Variants in FRY observed in about 807,000 individuals in gnomAD.
FRY encodes the protein protein furry homolog.
Under a neutral mutation model 348.4 loss-of-function variants are expected in FRY, and 128 were observed. That is an observed-to-expected ratio of 0.37 (90% CI 0.32 to 0.43). The LOEUF (loss-of-function observed/expected upper bound fraction) is 0.43, where lower values mean the gene tolerates loss of function less well. Among genes scored for constraint, FRY ranks in the 20% least tolerant of loss-of-function variants. FRY has a pLI of 1.00. For missense variants in FRY, 2,736 were observed against 3,695.2 expected, an observed-to-expected ratio of 0.74 and a Z score of 6.73; for synonymous variants, 1,370 against 1,374.7, an observed-to-expected ratio of 1.00 and a Z score of 0.08.
Position 32,297,336 on chromosome 13 carries a change from A to G in FRY, c.*1876A>G, listed in dbSNP as rs890817067. 6.6e-6 allele frequency: 1 copy of G among 152,140 alleles called. No individual in the cohort carries two copies. Among genetic ancestry groups the G allele is most frequent in the African/African-American group, 2.4e-5 (1 of 41,444 alleles). The allele number at this position is 152,140 out of a possible 1,614,324, so 9.4% of individuals were successfully genotyped here. ...AAACAACTGAATCATGATCTCTCTGAAAAATATCATAAAATAAAGGTTTCT... is the reference window on the plus strand; with the variant it reads ...AAACAACTGAATCATGATCTCTCTGGAAAATATCATAAAATAAAGGTTTCT... On this transcript the variant is annotated 3_prime_UTR_variant, in exon 61 of 61. Transcript: ENST00000542859.
At chr13:32,048,278 G>A (rs1247715845) in intron 1 of FRY, among the ~76,000 whole-genome samples, 2 of 152,040 alleles carry the variant, frequency 1.3e-5, no homozygotes, top group Admixed American at 6.5e-5. Context: ...TTGTCTTTTG[G>A]GATCTTTCTA....
In FRY at chr13:32,140,740, C is replaced by T. The variant is rs540234256; in HGVS notation, c.1179+3768C>T. ...AAAATCTCAAAACAAGTGTGGTTGC[C>T]ATAAATATATTTGATGAAGCTTGTG... On this transcript the variant is annotated intron_variant, in intron 11 of 60. Coordinates refer to ENST00000542859, the MANE Select transcript of FRY (RefSeq NM_023037.3). 9.9e-4 allele frequency among the ~76,000 whole-genome samples: 151 copies of T among 152,198 alleles called. 1 individual carries two copies. Among genetic ancestry groups the T allele is most frequent in the African/African-American group, 3.5e-3 (145 of 41,524 alleles).
intron 14 of FRY, among the ~76,000 whole-genome samples, chr13:32,153,099 T>G (rs1445092588): frequency 6.6e-6 from 1 of 152,168 alleles, no homozygotes; most frequent in Non-Finnish European, 1.5e-5. Context: ...ACTATTCTAG[T>G]GAGATTACAA....
intron 29 of FRY, among the ~76,000 whole-genome samples, chr13:32,199,821 A>G (rs898035281): frequency 1.2e-4 from 19 of 152,258 alleles, no homozygotes; most frequent in Non-Finnish European, 2.5e-4. Context: ...GGATGTATTC[A>G]TAGTAGGACA....
rs548428028 is a variant in FRY, at chr13:32,248,498, T to C, written c.7008+996T>C. On this transcript the variant is annotated intron_variant, in intron 48 of 60. Transcript: ENST00000542859. ...TCTACCTGTGTAAGAAACCTGCACA[T>C]TCTGCACATGTACCCCAGAACTTAA... 1.6e-4 allele frequency among the ~76,000 whole-genome samples: 24 copies of C among 151,834 alleles called. No homozygotes were observed. The South Asian group carries it at 5.0e-3, about 32-fold the overall frequency.
intron 46 of FRY, among the ~76,000 whole-genome samples, chr13:32,243,491 T>A (rs888048229): frequency 6.6e-6 from 1 of 152,182 alleles, no homozygotes; most frequent in Non-Finnish European, 1.5e-5. Context: ...TTGCTCTTGA[T>A]CTTATTTGCC....
chr13:32,109,537 G>C (rs1423813914), intron 3 of FRY, among the ~76,000 whole-genome samples: 1 of 152,178 alleles, frequency 6.6e-6, no homozygotes, highest in Admixed American at 6.6e-5. Context: ...TTGGGCCAGG[G>C]TATGCCAGGC....
At chr13:32,146,934 C>T (rs1880494869) in intron 11 of FRY, among the ~76,000 whole-genome samples, 1 of 152,094 alleles carries the variant, frequency 6.6e-6, no homozygotes, top group Admixed American at 6.5e-5. Context: ...ACATAATCAA[C>T]AATAAAAAGA....
intron 7 of FRY, among the ~76,000 whole-genome samples, chr13:32,129,834 A>G (rs1879238573): frequency 6.6e-6 from 1 of 152,160 alleles, no homozygotes; most frequent in South Asian, 2.1e-4. Flanking sequence ...CTCCCCACCT[A>G]AGCCAAGAAC....
Position 32,267,269 on chromosome 13 carries a change from G to T in FRY, c.8046G>T (p.Glu2682Asp). 1 of 1,614,166 alleles carries T rather than the reference G, an allele frequency of 6.2e-7. No homozygotes were observed. Among genetic ancestry groups the T allele is most frequent in the Non-Finnish European group, 8.5e-7 (1 of 1,180,030 alleles). ...FQPAACDDAEEAWRSHINQLM... is the reference protein window; with the variant it reads ...FQPAACDDAEDAWRSHINQLM... The stretch of plus-strand genomic sequence containing the variant: ...CCGCAGCCTGTGACGATGCCGAGGA[G>T]GCCTGGCGCAGCCACATCAACCAGC... The change falls in exon 55 of 61, where the codon GAG becomes GAT. Residue 2682 changes from glutamate (E) to aspartate (D), a missense_variant. By Grantham distance (45) the Glu-to-Asp change is conservative. Transcript: ENST00000542859.
chr13:32,069,017 G>A (rs369126997), intron 1 of FRY, among the ~76,000 whole-genome samples: 6 of 145,246 alleles, frequency 4.1e-5, no homozygotes, highest in East Asian at 4.2e-4. Flanking sequence ...CCGGGTTCAC[G>A]CCCATTCTCC....
At chr13:32,248,722 T>A (rs1316653035) in intron 48 of FRY, among the ~76,000 whole-genome samples, 1 of 152,142 alleles carries the variant, frequency 6.6e-6, no homozygotes, top group Non-Finnish European at 1.5e-5. Flanking sequence ...AATATTAAGG[T>A]TTCAATTTAA....
intron 1 of FRY, among the ~76,000 whole-genome samples, chr13:32,060,467 G>A (rs1297719221): frequency 1.3e-5 from 2 of 152,236 alleles, no homozygotes; most frequent in Non-Finnish European, 2.9e-5. Flanking sequence ...CCTTAAGGGT[G>A]TATGGTTTCT....
rs988670623 is a variant in FRY, at chr13:32,262,415, G to T, written c.7719G>T (p.Met2573Ile). ...PAEPHSFNTR[M>I]SSFDASLPDM... ...AACCTCATTCCTTTAACACCAGAATGTCCAGCTTTGATGCTTCCTTGCCTG... is the reference window on the plus strand; with the variant it reads ...AACCTCATTCCTTTAACACCAGAATTTCCAGCTTTGATGCTTCCTTGCCTG... The change falls in exon 53 of 61, where the codon ATG (methionine) becomes ATT (isoleucine). Residue 2573 changes from methionine to isoleucine, a missense_variant. By Grantham distance (10) the Met-to-Ile change is conservative. Coordinates refer to ENST00000542859, the MANE Select transcript of FRY (RefSeq NM_023037.3). The T allele has an allele frequency of 1.2e-6, 2 of 1,613,618 alleles. No individual in the cohort carries two copies. The highest frequency in any genetic ancestry group is 1.7e-6 in the Non-Finnish European group (2 of 1,179,578).
intron 11 of FRY, among the ~76,000 whole-genome samples, chr13:32,145,234 G>C (rs920850332): frequency 6.6e-6 from 1 of 152,156 alleles, no homozygotes; most frequent in Admixed American, 6.5e-5. Flanking sequence ...AGAAACTACC[G>C]ATTCTGTGAT....
At chr13:32,074,982 G>T (rs1874941051) in intron 1 of FRY, among the ~76,000 whole-genome samples, 2 of 152,226 alleles carry the variant, frequency 1.3e-5, no homozygotes, top group Non-Finnish European at 2.9e-5. Context: ...AGCAAGGAAA[G>T]CACCCCAGGT....
intron 17 of FRY, among the ~76,000 whole-genome samples, chr13:32,164,513 T>C (rs1881620184): frequency 6.6e-6 from 1 of 152,130 alleles, no homozygotes; most frequent in African/African-American, 2.4e-5. Context: ...CTCAGACACA[T>C]ATTAGTATGT....
At chr13:32,047,483 G>A (rs770104142) in intron 1 of FRY, among the ~76,000 whole-genome samples, 8 of 152,074 alleles carry the variant, frequency 5.3e-5, no homozygotes, top group Non-Finnish European at 1.2e-4. Flanking sequence ...AGCTATGTAT[G>A]ATGGCTGAAA....
intron 1 of FRY, among the ~76,000 whole-genome samples, chr13:32,067,714 G>T (rs977800305): frequency 3.3e-5 from 5 of 152,162 alleles, no homozygotes; most frequent in Admixed American, 3.3e-4. Context: ...AGAATAACAG[G>T]TAAGGACGCT....
Sources: gnomAD v4.1 joint callset for allele counts (sites outside exome capture counted in the v4.1 genomes callset) on GRCh38, gnomAD v4.1.1 for gene constraint, MANE v1.5 for transcripts, NCBI Gene and HGNC (gene_info 2026-07-23, HGNC 2026-07-21) for gene names.